The following RIN3 variants were observed in gnomAD, a reference collection of about 807,000 sequenced individuals.
The protein encoded by RIN3 is Ras and Rab interactor 3.
RIN3 carries 54 observed loss-of-function variants against 76.3 expected under a neutral mutation model. That is an observed-to-expected ratio of 0.71 (90% CI 0.57 to 0.89). The LOEUF is 0.89. RIN3 is among the 40% of genes least tolerant of loss of function. The pLI is 0.00. For synonymous variants in RIN3, 576 were observed against 564.0 expected (o/e 1.02, Z -0.30); for missense variants, 1,256 against 1,322.1 (o/e 0.95, Z 0.78).
chr14:92,520,132 CAT>C (rs982547054), intron 1 of RIN3, among the ~76,000 whole-genome samples: 1 of 152,256 alleles, frequency 6.6e-6, no homozygotes, highest in African/African-American at 2.4e-5. Flanking sequence ...TCAACCAGTA[CAT>C]GTTTAATGGA....
At chr14:92,564,744 T>C (rs2140045229) in intron 2 of RIN3, among the ~76,000 whole-genome samples, 1 of 152,188 alleles carries the variant, frequency 6.6e-6, no homozygotes, top group South Asian at 2.1e-4. Flanking sequence ...GTACAATTGA[T>C]GGAAGAGGAT....
intron 7 of RIN3, among the ~76,000 whole-genome samples, chr14:92,667,083 C>T (rs186309017): frequency 2.2e-4 from 34 of 151,984 alleles, no homozygotes; most frequent in Admixed American, 1.0e-3. Context: ...CAGGGGCAGC[C>T]GCAGAGGAAT....
chr14:92,566,354 T>A (rs1897916182), intron 2 of RIN3, among the ~76,000 whole-genome samples: 1 of 152,208 alleles, frequency 6.6e-6, no homozygotes, highest in African/African-American at 2.4e-5. Flanking sequence ...TCCAGACACC[T>A]CACCCATTCG....
At chr14:92,677,660 G>C (rs1888517054) in intron 8 of RIN3, among the ~76,000 whole-genome samples, 1 of 151,914 alleles carries the variant, frequency 6.6e-6, no homozygotes, top group Non-Finnish European at 1.5e-5. Flanking sequence ...ATGGGAACAA[G>C]TTGTCTTCTA....
intron 3 of RIN3, among the ~76,000 whole-genome samples, chr14:92,581,608 C>T (rs987693550): frequency 6.6e-6 from 1 of 152,136 alleles, no homozygotes; most frequent in Non-Finnish European, 1.5e-5. Flanking sequence ...TCCTTCCCCA[C>T]CTCCCCGCCC....
intron 2 of RIN3, among the ~76,000 whole-genome samples, chr14:92,570,905 G>A (rs1898047346): frequency 6.6e-6 from 1 of 152,202 alleles, no homozygotes; most frequent in East Asian, 1.9e-4. Flanking sequence ...AACCTAGGAA[G>A]ATTACTTTAT....
chr14:92,641,288 G>T lies in RIN3; in HGVS notation c.491G>T (p.Ser164Ile). ...CTACCCCAGGCCATCCTTGAGGCCAGCAGCTTCACGGACCTTGAGACCATC... is the reference window on the plus strand; with the variant it reads ...CTACCCCAGGCCATCCTTGAGGCCATCAGCTTCACGGACCTTGAGACCATC... ...LRLPQAILEA[S>I]SFTDLETIAN... is the part of the protein sequence containing the mutation. The change falls in exon 5 of 10, where the codon AGC becomes ATC. Residue 164 changes from serine to isoleucine, a missense_variant. Ser to Ile is a moderately radical substitution (Grantham distance 142). Coordinates refer to ENST00000216487, the MANE Select transcript of RIN3 (RefSeq NM_024832.5). 6.2e-7 allele frequency: 1 copy of T among 1,614,152 alleles called. No homozygotes were observed. The highest frequency in any genetic ancestry group is 8.5e-7 in the Non-Finnish European group (1 of 1,179,978).
intron 4 of RIN3, among the ~76,000 whole-genome samples, chr14:92,641,007 C>A (rs760865080): frequency 6.6e-6 from 1 of 152,090 alleles, no homozygotes; most frequent in Non-Finnish European, 1.5e-5. Context: ...GACCCCGCCC[C>A]GCCACTCCTG....
chr14:92,639,392 G>T (rs1282573156), intron 4 of RIN3, among the ~76,000 whole-genome samples: 1 of 152,240 alleles, frequency 6.6e-6, no homozygotes, highest in African/African-American at 2.4e-5. Context: ...AGTGGTGGCT[G>T]CCAGGTCTTG....
At chr14:92,609,728 A>G (rs1885654336) in intron 3 of RIN3, among the ~76,000 whole-genome samples, 1 of 152,264 alleles carries the variant, frequency 6.6e-6, no homozygotes, top group East Asian at 1.9e-4. Flanking sequence ...AACTGAGAGG[A>G]CACTGGAAAC....
intron 3 of RIN3, among the ~76,000 whole-genome samples, chr14:92,598,755 A>G (rs1481794269): frequency 1.3e-5 from 2 of 152,218 alleles, no homozygotes; most frequent in Non-Finnish European, 2.9e-5. Context: ...CTCATGCTAC[A>G]GAAATAGCAG....
intron 1 of RIN3, among the ~76,000 whole-genome samples, chr14:92,546,555 G>A (rs891533682): frequency 5.9e-5 from 9 of 152,092 alleles, no homozygotes; most frequent in African/African-American, 2.2e-4. Flanking sequence ...TTTTCTCCAT[G>A]TAGTAAATGC....
chr14:92,551,542 CT>C (rs1477093183), intron 1 of RIN3, among the ~76,000 whole-genome samples: 1 of 152,152 alleles, frequency 6.6e-6, no homozygotes, highest in African/African-American at 2.4e-5. Context: ...GTCTAAAGTG[CT>C]CGTTCCAATG....
At chr14:92,612,246 A>G (rs1885768605) in intron 3 of RIN3, among the ~76,000 whole-genome samples, 1 of 152,236 alleles carries the variant, frequency 6.6e-6, no homozygotes. Context: ...GCTCACGGGC[A>G]GGTGGTGTGG....
At chr14:92,660,472 G>A (rs556591170) in intron 7 of RIN3, among the ~76,000 whole-genome samples, 10 of 152,318 alleles carry the variant, frequency 6.6e-5, no homozygotes, top group African/African-American at 2.2e-4. Flanking sequence ...CTCACGTGCT[G>A]AGTGGTTGAT....
chr14:92,606,698 C>G (rs1885536854), intron 3 of RIN3, among the ~76,000 whole-genome samples: 1 of 151,976 alleles, frequency 6.6e-6, no homozygotes, highest in African/African-American at 2.4e-5. Flanking sequence ...ATCAAAAAAC[C>G]ACCATGAGAT....
intron 4 of RIN3, among the ~76,000 whole-genome samples, chr14:92,618,250 C>T (rs1242353542): frequency 6.6e-6 from 1 of 152,086 alleles, no homozygotes; most frequent in Non-Finnish European, 1.5e-5. Flanking sequence ...TTCACAGAGG[C>T]ATAAGCAAGG....
At position 92,629,117 on chromosome 14, in the gene RIN3, A is replaced by AAGAGAGAGAGAG. The variant is rs58288914; in HGVS notation, c.441-12095_441-12084dup. ...CCAAGGGTCCTGAGTCGGAAAGGAA[A>AAGAGAGAGAGAG]AGAGAGAGAGAGAGAGAGAGAGAGA... On this transcript the variant is annotated intron_variant, in intron 4 of 9. Transcript: ENST00000216487. Among the ~76,000 whole-genome samples, 126 of 145,368 alleles carry AAGAGAGAGAGAG rather than the reference A, an allele frequency of 8.7e-4. 1 individual carries two copies. The highest frequency in any genetic ancestry group is 1.4e-3 in the Admixed American group (20 of 14,524).
chr14:92,595,395 C>T (rs746379781), intron 3 of RIN3, among the ~76,000 whole-genome samples: 7 of 152,198 alleles, frequency 4.6e-5, no homozygotes, highest in Non-Finnish European at 1.0e-4. Flanking sequence ...TCTGTGTGGA[C>T]GCTCAGCTTG....
Sources: allele counts gnomAD v4.1 joint callset (sites outside exome capture counted in the v4.1 genomes callset), GRCh38; gene constraint gnomAD v4.1.1; transcripts MANE v1.5; gene names NCBI Gene and HGNC (gene_info 2026-07-23, HGNC 2026-07-21).